GSE1: variants seen among roughly 807,000 people sequenced by gnomAD.
The protein encoded by GSE1 is genetic suppressor element 1.
GSE1 carries 32 observed loss-of-function variants against 112.6 expected under a neutral mutation model. The ratio of observed to expected loss-of-function variants is 0.28; its 90% confidence interval spans 0.21 to 0.38. GSE1 has a LOEUF of 0.38. Among genes scored for constraint, GSE1 ranks in the 10% least tolerant of loss-of-function variants. GSE1 has a pLI of 1.00. For missense variants in GSE1, 2,348 were observed against 1,699.2 expected (o/e 1.38, Z -6.71); for synonymous variants, 1,115 against 735.6 (o/e 1.52, Z -8.35).
chr16:85,315,926 G>A (rs1319249952), intron 1 of GSE1, among the ~76,000 whole-genome samples: 2 of 147,916 alleles, frequency 1.4e-5, no homozygotes, highest in Non-Finnish European at 3.0e-5. Context: ...AAGCCCTAGT[G>A]GGAGGGGGGG....
rs999248660 is a variant in GSE1, at chr16:85,671,090, A to C, written c.3511A>C (p.Ser1171Arg). The change falls in exon 15 of 16, where the codon AGC becomes CGC. Residue 1171 changes from serine to arginine, a missense_variant. By Grantham distance (110) the Ser-to-Arg change is moderately radical (BLOSUM62 -1). Coordinates refer to ENST00000253458, the MANE Select transcript of GSE1 (RefSeq NM_014615.5). ...CCTGACGGCAGAGCAGCTCTCCCAC[A>C]GCGTGGCGGTGAGTTGGGAAGGGAT... ...LSLTAEQLSHSVAELRSQKQK... is the reference protein window; with the variant it reads ...LSLTAEQLSHRVAELRSQKQK... The C allele has an allele frequency of 6.3e-7, 1 of 1,595,946 alleles. No homozygotes were observed. Among genetic ancestry groups the C allele is most frequent in the Non-Finnish European group, 8.6e-7 (1 of 1,163,658 alleles).
chr16:85,536,559 C>T (rs748278418), intron 2 of GSE1, among the ~76,000 whole-genome samples: 15 of 152,176 alleles, frequency 9.9e-5, no homozygotes, highest in South Asian at 2.1e-4. Flanking sequence ...GCTGGGCCTC[C>T]GCTGTGTTTC....
intron 2 of GSE1, among the ~76,000 whole-genome samples, chr16:85,539,141 C>T (rs1410112555): frequency 6.6e-6 from 1 of 152,196 alleles, no homozygotes. Flanking sequence ...ATGTATGGAC[C>T]CAGCCTAATT....
intron 2 of GSE1, among the ~76,000 whole-genome samples, chr16:85,380,558 G>A (rs535173518): frequency 1.4e-3 from 190 of 138,268 alleles, no homozygotes; most frequent in Non-Finnish European, 2.0e-3. Context: ...AACACTGCCC[G>A]CCGGGGGAGG....
intron 14 of GSE1, among the ~76,000 whole-genome samples, chr16:85,670,176 C>T (rs2053214089): frequency 6.6e-6 from 1 of 152,148 alleles, no homozygotes; most frequent in South Asian, 2.1e-4. Context: ...TTTTGTGTTG[C>T]CTGTGATTAT....
intron 1 of GSE1, among the ~76,000 whole-genome samples, chr16:85,197,356 A>G (rs2074947599): frequency 6.6e-6 from 1 of 152,172 alleles, no homozygotes; most frequent in South Asian, 2.1e-4. Context: ...AAGAGCAGGC[A>G]GTTAATTTTA....
At chr16:85,628,668 C>A (rs573074240) in intron 1 of GSE1, among the ~76,000 whole-genome samples, 1 of 152,190 alleles carries the variant, frequency 6.6e-6, no homozygotes, top group Non-Finnish European at 1.5e-5. Flanking sequence ...GTGCTGACTT[C>A]GTGCCGTCGA....
chr16:85,187,440 A>G (rs1285365634), intron 1 of GSE1, among the ~76,000 whole-genome samples: 4 of 152,198 alleles, frequency 2.6e-5, no homozygotes, highest in African/African-American at 9.6e-5. Context: ...GAAGAGAGAG[A>G]AGGAGTTAAA....
At chr16:85,638,854 C>T (rs62051377) in intron 2 of GSE1, among the ~76,000 whole-genome samples, 18,036 of 151,874 alleles carry the variant, frequency 0.12, 1,151 homozygotes, top group Middle Eastern at 0.18. Context: ...GGTGTGGGTC[C>T]GCCATGGCTT....
chr16:85,588,545 G>A (rs1384335551), intron 1 of GSE1, among the ~76,000 whole-genome samples: 1 of 152,218 alleles, frequency 6.6e-6, no homozygotes, highest in African/African-American at 2.4e-5. Context: ...TAAAGAAAGG[G>A]CTCTTCTCCT....
intron 1 of GSE1, among the ~76,000 whole-genome samples, chr16:85,574,670 G>A (rs1356178162): frequency 6.6e-6 from 1 of 152,240 alleles, no homozygotes; most frequent in Non-Finnish European, 1.5e-5. Context: ...CCAAGAAGGC[G>A]CTGGTGTGGA....
chr16:85,306,869 T>C (rs1005449439), intron 1 of GSE1, among the ~76,000 whole-genome samples: 1 of 152,228 alleles, frequency 6.6e-6, no homozygotes, highest in African/African-American at 2.4e-5. Flanking sequence ...CCCCAAACGG[T>C]TTGAACCTGT....
At chr16:85,504,497 G>C (rs1020705506) in intron 2 of GSE1, among the ~76,000 whole-genome samples, 2 of 152,200 alleles carry the variant, frequency 1.3e-5, no homozygotes, top group Non-Finnish European at 2.9e-5. Flanking sequence ...GCTATTTTAA[G>C]GTGTTTCCAG....
At chr16:85,565,719 G>A (rs1023120952) in intron 1 of GSE1, among the ~76,000 whole-genome samples, 2 of 152,214 alleles carry the variant, frequency 1.3e-5, no homozygotes, top group East Asian at 1.9e-4. Context: ...ACCTGACCCT[G>A]GACACCAGCA....
intron 1 of GSE1, among the ~76,000 whole-genome samples, chr16:85,291,984 A>T (rs1251163074): frequency 6.6e-6 from 1 of 152,182 alleles, no homozygotes; most frequent in Non-Finnish European, 1.5e-5. Flanking sequence ...CCCGTAAAGG[A>T]GGCAGAGAGG....
chr16:85,180,598 G>T (rs1417856927), intron 1 of GSE1, among the ~76,000 whole-genome samples: 1 of 152,208 alleles, frequency 6.6e-6, no homozygotes, highest in Non-Finnish European at 1.5e-5. Context: ...TCTTATAAGT[G>T]GGCTTATTTG....
chr16:85,314,291 C>T (rs552907475), intron 1 of GSE1, among the ~76,000 whole-genome samples: 5 of 152,128 alleles, frequency 3.3e-5, no homozygotes, highest in African/African-American at 4.8e-5. Flanking sequence ...AATAGGGGGA[C>T]GTGAATGCTG....
intron 2 of GSE1, among the ~76,000 whole-genome samples, chr16:85,484,898 T>TGCCTCACCCTGTGCCTGCC (rs1303822306): frequency 5.3e-5 from 8 of 152,050 alleles, no homozygotes; most frequent in African/African-American, 1.9e-4. Context: ...ATGTGGGTGC[T>TGCCTCACCCTGTGCCTGCC]GCCTCACCCT....
intron 1 of GSE1, among the ~76,000 whole-genome samples, chr16:85,209,180 G>A (rs1469150510): frequency 6.6e-6 from 1 of 152,170 alleles, no homozygotes; most frequent in Non-Finnish European, 1.5e-5. Flanking sequence ...TGTGGCCCTG[G>A]CCTGCAGAAG....
Sources: gnomAD v4.1 joint callset for allele counts (sites outside exome capture counted in the v4.1 genomes callset) on GRCh38, gnomAD v4.1.1 for gene constraint, MANE v1.5 for transcripts, NCBI Gene and HGNC (gene_info 2026-07-23, HGNC 2026-07-21) for gene names.